The following MED13 variants were observed in gnomAD, a reference collection of about 807,000 sequenced individuals.
The protein encoded by MED13 is mediator complex subunit 13, also known as mediator of RNA polymerase II transcription subunit 13.
MED13 carries 23 observed loss-of-function variants against 225.2 expected under a neutral mutation model. That is an observed-to-expected ratio of 0.10 (90% CI 0.07 to 0.14). MED13 has a LOEUF of 0.14. Among genes scored for constraint, MED13 ranks in the 10% least tolerant of loss-of-function variants. The probability of loss-of-function intolerance (pLI) is 1.00; values close to 1 mark genes in which losing one functional copy is unlikely to be tolerated. For missense variants in MED13, 2,197 were observed against 2,594.5 expected, an observed-to-expected ratio of 0.85 and a Z score of 3.33; for synonymous variants, 942 against 889.2, an observed-to-expected ratio of 1.06 and a Z score of -1.06.
At chr17:61,954,970 T>G (rs75065851) in intron 26 of MED13, among the ~76,000 whole-genome samples, 1 of 152,176 alleles carries the variant, frequency 6.6e-6, no homozygotes, top group South Asian at 2.1e-4. Context: ...ATCAGTTTCG[T>G]TGGACTGCAA....
At chr17:61,972,939 C>A (rs556696847) in intron 16 of MED13, 51 bp from the exon 17 acceptor site, 2 of 1,474,176 alleles carry the variant, frequency 1.4e-6, no homozygotes, top group South Asian at 2.7e-5. Context: ...ATTGCCAACA[C>A]AAATAAAATT....
intron 8 of MED13, among the ~76,000 whole-genome samples, chr17:62,021,133 C>T (rs2080638969): frequency 6.6e-6 from 1 of 151,432 alleles, no homozygotes. Flanking sequence ...AATCTTTTCC[C>T]CGCCTTTCCC....
At chr17:61,981,242 G>C (rs953602500) in intron 16 of MED13, among the ~76,000 whole-genome samples, 4 of 151,432 alleles carry the variant, frequency 2.6e-5, no homozygotes, top group African/African-American at 7.3e-5. Context: ...GGCAGGTCTC[G>C]AACTCCTGAC....
chr17:62,033,213 G>A (rs2080773064), intron 5 of MED13, among the ~76,000 whole-genome samples: 1 of 151,988 alleles, frequency 6.6e-6, no homozygotes, highest in African/African-American at 2.4e-5. Flanking sequence ...GACCCTTTTG[G>A]CAGGCAGAGC....
At chr17:61,958,178 ATT>A (rs947716918) in intron 23 of MED13, among the ~76,000 whole-genome samples, 2 of 146,844 alleles carry the variant, frequency 1.4e-5, no homozygotes, top group Non-Finnish European at 3.0e-5. Flanking sequence ...ATTACTTATT[ATT>A]TTTTTGACAC....
In MED13 at chr17:62,010,546, A is replaced by T. The variant is rs763590709; in HGVS notation, c.1967+4T>A. The T allele has an allele frequency of 5.6e-6, 8 of 1,418,916 alleles. No homozygotes were observed. The highest frequency in any genetic ancestry group is 7.4e-6 in the Non-Finnish European group (8 of 1,081,556). 87.9% of individuals were successfully genotyped at this position (1,418,916 alleles called of 1,614,324 possible). On this transcript the variant is annotated splice_donor_region_variant and intron_variant, in intron 9 of 29. Coordinates refer to ENST00000397786, the MANE Select transcript of MED13 (RefSeq NM_005121.3). ...TAATGGTGACTATTAAAAAAAATAC[A>T]TACTCTGTAACTGATGTTACACTTT... is the stretch of plus-strand genomic sequence containing the variant.
At chr17:62,023,347 A>G (rs2080668418) in intron 8 of MED13, among the ~76,000 whole-genome samples, 1 of 152,210 alleles carries the variant, frequency 6.6e-6, no homozygotes, top group African/African-American at 2.4e-5. Context: ...GGAAACCCAG[A>G]GACTAGTAAT....
At chr17:62,046,232 G>A (rs2080896620) in intron 3 of MED13, among the ~76,000 whole-genome samples, 1 of 152,134 alleles carries the variant, frequency 6.6e-6, no homozygotes, top group Non-Finnish European at 1.5e-5. Flanking sequence ...ATAACTTAAA[G>A]ATAGACTTAG....
intron 3 of MED13, among the ~76,000 whole-genome samples, chr17:62,039,559 C>G (rs1314035291): frequency 6.7e-6 from 1 of 149,372 alleles, no homozygotes; most frequent in Non-Finnish European, 1.5e-5. Flanking sequence ...CTATAAATTA[C>G]AGGCATGAAC....
rs1326716032 is a variant in MED13, at chr17:62,021,168, A to C, written c.1283+8373T>G. Among the ~76,000 whole-genome samples the C allele has an allele frequency of 6.6e-5, 10 of 150,710 alleles. No homozygotes were observed. The South Asian group carries it at 2.1e-3, about 32-fold the overall frequency. On this transcript the variant is annotated intron_variant, in intron 8 of 29. Transcript: ENST00000397786. ...CCTCTTTCTATTCCACAAAACCGCCATTGTCATCATGGCCCGTTCTCAATG... is the reference window on the plus strand; with the variant it reads ...CCTCTTTCTATTCCACAAAACCGCCCTTGTCATCATGGCCCGTTCTCAATG...
At chr17:62,050,258 T>C (rs898525091) in intron 3 of MED13, among the ~76,000 whole-genome samples, 18 of 150,690 alleles carry the variant, frequency 1.2e-4, no homozygotes, top group African/African-American at 3.7e-4. Flanking sequence ...CTCAGGAGGC[T>C]GAGGCAGGAG....
intron 2 of MED13, among the ~76,000 whole-genome samples, chr17:62,057,446 T>C (rs577088695): frequency 5.3e-4 from 81 of 152,310 alleles, no homozygotes; most frequent in Non-Finnish European, 1.0e-3. Context: ...CAAATGAAGT[T>C]GTCACCTAGG....
At chr17:62,061,396 T>G (rs1348248940) in intron 2 of MED13, among the ~76,000 whole-genome samples, 1 of 152,098 alleles carries the variant, frequency 6.6e-6, no homozygotes, top group Non-Finnish European at 1.5e-5. Context: ...ACATTATGTA[T>G]CTCTTAAAAT....
intron 2 of MED13, among the ~76,000 whole-genome samples, chr17:62,060,132 A>C (rs973284331): frequency 1.3e-5 from 2 of 151,962 alleles, no homozygotes; most frequent in Admixed American, 6.6e-5. Context: ...TCTCTACTAA[A>C]AATACAAAAA....
intron 2 of MED13, among the ~76,000 whole-genome samples, chr17:62,062,316 T>C (rs1235335625): frequency 6.6e-6 from 1 of 152,190 alleles, no homozygotes; most frequent in Non-Finnish European, 1.5e-5. Context: ...AAAGCTATAG[T>C]TTCTCTTTCT....
chr17:61,970,773 C>T (rs1328326693), intron 17 of MED13, among the ~76,000 whole-genome samples: 1 of 139,948 alleles, frequency 7.1e-6, no homozygotes, highest in East Asian at 2.1e-4. Flanking sequence ...GCTTATAATC[C>T]TAGCCCTTTG....
intron 2 of MED13, among the ~76,000 whole-genome samples, chr17:62,056,268 C>T (rs940144812): frequency 1.3e-5 from 2 of 151,980 alleles, no homozygotes; most frequent in Non-Finnish European, 2.9e-5. Context: ...TATTCAGATA[C>T]GAAAAGTGAA....
intron 14 of MED13, 82 bp from the exon 15 acceptor site, chr17:61,984,449 T>A (rs1264876707): frequency 9.0e-7 from 1 of 1,105,054 alleles, no homozygotes; most frequent in East Asian, 2.6e-5. Flanking sequence ...CTGGACCTTT[T>A]TTCCTTTCTT....
At chr17:62,039,135 TAAC>T (rs953828191) in intron 3 of MED13, among the ~76,000 whole-genome samples, 6 of 152,174 alleles carry the variant, frequency 3.9e-5, no homozygotes, top group African/African-American at 7.2e-5. Context: ...CCCTATTTAC[TAAC>T]AACACTCAAT....
Sources: gnomAD v4.1 joint callset for allele counts (sites outside exome capture counted in the v4.1 genomes callset) on GRCh38, gnomAD v4.1.1 for gene constraint, MANE v1.5 for transcripts, NCBI Gene and HGNC (gene_info 2026-07-23, HGNC 2026-07-21) for gene names.